The following NUDT6 variants were observed in gnomAD, a reference collection of about 807,000 sequenced individuals.
NUDT6 encodes nudix hydrolase 6.
Under a neutral mutation model 36.8 loss-of-function variants are expected in NUDT6, and 24 were observed. The observed-to-expected ratio is 0.65, with a 90% CI of 0.47 to 0.92. NUDT6 has a LOEUF of 0.92. Among genes scored for constraint, NUDT6 ranks in the 40% least tolerant of loss-of-function variants. NUDT6 has a pLI of 0.00. For missense variants in NUDT6, 388 were observed against 392.8 expected, an observed-to-expected ratio of 0.99 and a Z score of 0.10; for synonymous variants, 163 against 157.0, an observed-to-expected ratio of 1.04 and a Z score of -0.29.
rs1394793361 is a variant in NUDT6, at chr4:122,892,654, G to A, written c.*174C>T. On this transcript the variant is annotated 3_prime_UTR_variant, in exon 5 of 5. Coordinates refer to ENST00000304430, the MANE Select transcript of NUDT6 (RefSeq NM_007083.5). ...TACCTAGAGCAATGATCTTTTTCACGCATTTGCTTTATTCGAAAAGAGGCT... is the reference window on the plus strand; with the variant it reads ...TACCTAGAGCAATGATCTTTTTCACACATTTGCTTTATTCGAAAAGAGGCT... 8 of 1,399,534 alleles carry A rather than the reference G, an allele frequency of 5.7e-6. No homozygotes were observed. The highest frequency in any genetic ancestry group is 2.5e-5 in the East Asian group (1 of 39,602). The allele number at this position is 1,399,534 out of a possible 1,614,324, so 86.7% of individuals were successfully genotyped here. A position where few individuals can be genotyped will look rare whatever the true frequency, so the allele number is the denominator to read the frequency against.
At chr4:122,897,486 G>A (rs1004560832) in intron 4 of NUDT6, 138 bp downstream of exon 4, 11 of 678,328 alleles carry the variant, frequency 1.6e-5, no homozygotes, top group Non-Finnish European at 2.7e-5. Context: ...TCAGCTCTGA[G>A]GTAATTTCTG....
chr4:122,899,618 A>G (rs1034847716), intron 3 of NUDT6, among the ~76,000 whole-genome samples: 1 of 152,038 alleles, frequency 6.6e-6, no homozygotes, highest in African/African-American at 2.4e-5. Flanking sequence ...TTTTCTTTAT[A>G]TCAAACAATT....
chr4:122,915,653 A>C (rs1727823648), intron 2 of NUDT6, among the ~76,000 whole-genome samples: 1 of 152,138 alleles, frequency 6.6e-6, no homozygotes, highest in South Asian at 2.1e-4. Context: ...TACAATATAC[A>C]ATATAGTACT....
intron 4 of NUDT6, 46 bp downstream of exon 4, chr4:122,897,577 AT>A (rs1727401305): frequency 7.7e-7 from 1 of 1,306,008 alleles, no homozygotes; most frequent in Non-Finnish European, 1.1e-6. Flanking sequence ...AAACACATTA[AT>A]TTCCTCAACA....
intron 3 of NUDT6, among the ~76,000 whole-genome samples, chr4:122,905,710 A>ATCTATGT (rs2150804180): frequency 6.6e-6 from 1 of 152,326 alleles, no homozygotes; most frequent in South Asian, 2.1e-4. Flanking sequence ...AGTGCCTAAC[A>ATCTATGT]CATCTATGAC....
chr4:122,905,055 G>A (rs1338411167), intron 3 of NUDT6, among the ~76,000 whole-genome samples: 1 of 152,192 alleles, frequency 6.6e-6, no homozygotes, highest in Non-Finnish European at 1.5e-5. Context: ...CCAGCGGGTT[G>A]CCACTGCTGG....
intron 3 of NUDT6, among the ~76,000 whole-genome samples, chr4:122,907,831 T>G (rs1727651786): frequency 6.6e-6 from 1 of 152,200 alleles, no homozygotes; most frequent in South Asian, 2.1e-4. Flanking sequence ...AATCCTATCT[T>G]GGGGTCTGGA....
At position 122,917,669 on chromosome 4, in the gene NUDT6, C is replaced by G. The variant is rs1727874249; in HGVS notation, c.274G>C (p.Ala92Pro). The change falls in exon 2 of 5, where the codon GCT (alanine) becomes CCT (proline). Residue 92 changes from alanine (A) to proline (P), a missense_variant. Coordinates refer to ENST00000304430, the MANE Select transcript of NUDT6 (RefSeq NM_007083.5). ...AGGATGGGAATGTGCAGCCATACAG[C>G]TGTTCTACCTTCTGATCGCCATTGC... The part of the protein sequence containing the change: ...VQQWRSEGRT[A>P]VWLHIPILQS... 2 of 1,614,068 alleles carry G rather than the reference C, an allele frequency of 1.2e-6. No individual in the cohort carries two copies. Among genetic ancestry groups the G allele is most frequent in the African/African-American group, 2.7e-5 (2 of 74,926 alleles).
chr4:122,922,212 T>A (rs1272017012), intron 1 of NUDT6, 123 bp downstream of exon 1: 25 of 769,408 alleles, frequency 3.2e-5, no homozygotes, highest in Non-Finnish European at 4.9e-5. Context: ...AGGTCACGCG[T>A]GCCTTCTCCC....
At chr4:122,908,969 C>T (rs1312313705) in intron 3 of NUDT6, among the ~76,000 whole-genome samples, 1 of 152,026 alleles carries the variant, frequency 6.6e-6, no homozygotes, top group Non-Finnish European at 1.5e-5. Context: ...TTATTTGGGT[C>T]TTCTAAAAAC....
intron 3 of NUDT6, among the ~76,000 whole-genome samples, chr4:122,899,901 A>C (rs1379567179): frequency 6.6e-6 from 1 of 152,164 alleles, no homozygotes; most frequent in African/African-American, 2.4e-5. Context: ...TATCCAATGA[A>C]AGAGCAGGCT....
At chr4:122,911,629 C>T (rs1160932701) in intron 3 of NUDT6, among the ~76,000 whole-genome samples, 1 of 152,184 alleles carries the variant, frequency 6.6e-6, no homozygotes, top group Admixed American at 6.6e-5. Flanking sequence ...ATATGTGACA[C>T]TGCTTTCAGC....
chr4:122,901,928 A>C (rs1727531577), intron 3 of NUDT6, among the ~76,000 whole-genome samples: 1 of 152,200 alleles, frequency 6.6e-6, no homozygotes, highest in African/African-American at 2.4e-5. Flanking sequence ...AACTCAGAGC[A>C]AGGGCACAGA....
chr4:122,912,728 AAG>A, intron 2 of NUDT6, 105 bp from the exon 3 acceptor site: 1 of 719,230 alleles, frequency 1.4e-6, no homozygotes. Context: ...CCCATACTTG[AAG>A]CCTTGGTTCA....
intron 3 of NUDT6, among the ~76,000 whole-genome samples, chr4:122,903,518 G>C (rs1245544376): frequency 6.6e-6 from 1 of 152,140 alleles, no homozygotes; most frequent in Non-Finnish European, 1.5e-5. Context: ...TACAGATCTG[G>C]GGTGGGGCCT....
At chr4:122,914,698 T>C (rs969186884) in intron 2 of NUDT6, among the ~76,000 whole-genome samples, 1 of 152,108 alleles carries the variant, frequency 6.6e-6, no homozygotes, top group African/African-American at 2.4e-5. Flanking sequence ...CACTGTGCAA[T>C]GCTGCCCCTC....
intron 3 of NUDT6, among the ~76,000 whole-genome samples, chr4:122,899,637 C>T (rs45604332): frequency 0.011 from 1,702 of 152,202 alleles, 46 homozygotes; most frequent in African/African-American, 0.038. Context: ...TTCCCATTAG[C>T]TGTGTTTGGC....
At chr4:122,909,506 C>T (rs924838244) in intron 3 of NUDT6, among the ~76,000 whole-genome samples, 9 of 151,620 alleles carry the variant, frequency 5.9e-5, no homozygotes, top group Non-Finnish European at 1.3e-4. Context: ...TTTTTTTTTA[C>T]CCCGAAAACC....
chr4:122,919,185 C>G (rs891751119), intron 1 of NUDT6: 4 of 152,268 alleles, frequency 2.6e-5, no homozygotes, highest in Admixed American at 6.5e-5. Context: ...AAGGTTACCA[C>G]TTCAGACTTC....
Sources: allele counts gnomAD v4.1 joint callset (sites outside exome capture counted in the v4.1 genomes callset), GRCh38; gene constraint gnomAD v4.1.1; transcripts MANE v1.5; gene names NCBI Gene and HGNC (gene_info 2026-07-23, HGNC 2026-07-21).